The following CHFR variants were observed in gnomAD, a reference collection of about 807,000 sequenced individuals.
CHFR encodes E3 ubiquitin-protein ligase CHFR.
A neutral mutation model predicts 87.6 loss-of-function variants in CHFR; 57 were observed. The ratio of observed to expected loss-of-function variants is 0.65; its 90% CI spans 0.53 to 0.81. The LOEUF (loss-of-function observed/expected upper bound fraction) is 0.81, where lower values mean the gene tolerates loss of function less well. Ranked by LOEUF, CHFR falls within the 30% of genes least tolerant of loss-of-function variation. CHFR has a pLI of 0.00. For missense variants in CHFR, 797 were observed against 865.8 expected (o/e 0.92, Z 1.00); for synonymous variants, 381 against 359.2 (o/e 1.06, Z -0.69).
intron 3 of CHFR, among the ~76,000 whole-genome samples, chr12:132,876,778 T>C (rs911223768): frequency 6.6e-6 from 1 of 152,178 alleles, no homozygotes; most frequent in African/African-American, 2.4e-5. Flanking sequence ...ACTACAGTCA[T>C]GCCCCAGATA....
rs1200768834 is a variant in CHFR at position 132,838,137 on chromosome 12, CCT to C, written c.*3415_*3416del. 6.6e-6 allele frequency: 1 copy of C among 152,486 alleles called. No homozygotes were observed. The highest frequency in any genetic ancestry group is 2.4e-5 in the African/African-American group (1 of 41,472). 9.4% of individuals were successfully genotyped at this position (152,486 alleles called of 1,614,324 possible). On this transcript the variant is annotated 3_prime_UTR_variant, in exon 18 of 18. Transcript: ENST00000450056. ...CGGAAGCCCCTTCCAAACTCAGCTGCCTCTCTGCCTTGGCCACACCCCTGGGG... is the reference window on the plus strand; with the variant it reads ...CGGAAGCCCCTTCCAAACTCAGCTGCCTCTGCCTTGGCCACACCCCTGGGG...
chr12:132,861,306 T>C (rs1003851191), intron 7 of CHFR, among the ~76,000 whole-genome samples, 161 bp downstream of exon 7: 2 of 152,174 alleles, frequency 1.3e-5, no homozygotes, highest in African/African-American at 4.8e-5. Context: ...AGGCCCAGGT[T>C]TTCTGAATGA....
rs1466294557 is a variant in CHFR at position 132,853,584 on chromosome 12, G to A, written c.1230-11C>T. 6.6e-7 allele frequency: 1 copy of A among 1,525,130 alleles called. No individual in the cohort carries two copies. Among genetic ancestry groups the A allele is most frequent in the South Asian group, 1.2e-5 (1 of 82,000 alleles). 94.5% of individuals were successfully genotyped at this position (1,525,130 alleles called of 1,614,324 possible). A position where few individuals can be genotyped will look rare whatever the true frequency, so the allele number is the denominator to read the frequency against. ...ACGACGTATGGCTGGCTGCAAGGAA[G>A]CACAGGGCCGAGCTGTGTGCAGGCC... On this transcript the variant is annotated splice_polypyrimidine_tract_variant and intron_variant, in intron 10 of 17. Coordinates refer to ENST00000450056, the MANE Select transcript of CHFR (RefSeq NM_001161346.2).
chr12:132,880,507 A>C (rs1331152230), intron 2 of CHFR, among the ~76,000 whole-genome samples: 6 of 151,144 alleles, frequency 4.0e-5, no homozygotes, highest in Admixed American at 4.0e-4. Flanking sequence ...AACTACAAAA[A>C]ATTAGCTGGG....
chr12:132,884,808 C>T (rs1451320520), intron 2 of CHFR, among the ~76,000 whole-genome samples: 1 of 152,152 alleles, frequency 6.6e-6, no homozygotes, highest in Non-Finnish European at 1.5e-5. Context: ...AATTTCTGGC[C>T]AGGCACAGTG....
At chr12:132,886,869 G>A (rs1168730528) in intron 2 of CHFR, among the ~76,000 whole-genome samples, 1 of 152,164 alleles carries the variant, frequency 6.6e-6, no homozygotes, top group Non-Finnish European at 1.5e-5. Context: ...ACATATCTGT[G>A]AATTTTCCAC....
chr12:132,858,867 C>G (rs1378734330), intron 8 of CHFR, among the ~76,000 whole-genome samples: 1 of 151,204 alleles, frequency 6.6e-6, no homozygotes, highest in Non-Finnish European at 1.5e-5. Context: ...CCGCTCAATC[C>G]TGGGAGGGAG....
chr12:132,863,112 G>A (rs1951253338), intron 6 of CHFR, among the ~76,000 whole-genome samples: 1 of 148,686 alleles, frequency 6.7e-6, no homozygotes, highest in Non-Finnish European at 1.5e-5. Flanking sequence ...TAGCCAGGAT[G>A]GTCTCGATCT....
intron 4 of CHFR, chr12:132,871,813 C>T (rs1025481949): frequency 6.5e-6 from 1 of 154,356 alleles, no homozygotes; most frequent in Non-Finnish European, 1.4e-5. Flanking sequence ...TCGAAGGACT[C>T]CCATAACTTT....
At chr12:132,847,260 G>A in intron 14 of CHFR, 130 bp from the exon 15 acceptor site, 3 of 1,448,788 alleles carry the variant, frequency 2.1e-6, no homozygotes, top group Non-Finnish European at 2.7e-6. Flanking sequence ...CTTATAAGTG[G>A]CATTTGCAGA....
intron 15 of CHFR, among the ~76,000 whole-genome samples, chr12:132,846,387 C>G (rs996065686): frequency 6.6e-6 from 1 of 151,898 alleles, no homozygotes; most frequent in African/African-American, 2.4e-5. Flanking sequence ...CTCAGCCTCC[C>G]GAGTAGCTGG....
At chr12:132,853,325 A>G in intron 11 of CHFR, 106 bp downstream of exon 11, 2 of 1,210,792 alleles carry the variant, frequency 1.7e-6, no homozygotes, top group Non-Finnish European at 2.2e-6. Context: ...GGGGGCGAGC[A>G]GTGCAGACAG....
In CHFR at chr12:132,841,366, G is replaced by A. The variant is rs1347878070; in HGVS notation, c.*188C>T. The A allele has an allele frequency of 2.4e-5, 14 of 581,920 alleles. No homozygotes were observed. The highest frequency in any genetic ancestry group is 8.6e-5 in the East Asian group (3 of 35,034). 36.0% of individuals were successfully genotyped at this position (581,920 alleles called of 1,614,324 possible). ...ACCAGGAGGGCGGGCTGCGGCCCCC[G>A]GGGCTCTGGGGAGGGTCTCACTCAG... On this transcript the variant is annotated 3_prime_UTR_variant, in exon 18 of 18. Coordinates refer to ENST00000450056, the MANE Select transcript of CHFR (RefSeq NM_001161346.2).
At chr12:132,873,748 C>T (rs1049558693) in intron 3 of CHFR, among the ~76,000 whole-genome samples, 1 of 152,146 alleles carries the variant, frequency 6.6e-6, no homozygotes, top group African/African-American at 2.4e-5. Flanking sequence ...AGAGTGTGCA[C>T]GGACTTGGGT....
chr12:132,868,431 G>A (rs547207924), intron 6 of CHFR, among the ~76,000 whole-genome samples: 5 of 152,094 alleles, frequency 3.3e-5, no homozygotes, highest in Non-Finnish European at 7.4e-5. Flanking sequence ...TGGCGTGGGA[G>A]GCGGAGCTTG....
chr12:132,885,885 G>GA (rs1472772323), intron 2 of CHFR, among the ~76,000 whole-genome samples: 3 of 152,142 alleles, frequency 2.0e-5, no homozygotes, highest in African/African-American at 7.2e-5. Context: ...AAGACAAAGG[G>GA]AAAAATCTTC....
Position 132,847,086 on chromosome 12 carries a change from G to T in CHFR, c.1692C>A (p.Thr564=). 6.2e-7 allele frequency: 1 copy of T among 1,613,662 alleles called. No homozygotes were observed. Among genetic ancestry groups the T allele is most frequent in the South Asian group, 1.1e-5 (1 of 91,058 alleles). ...TRGLTWKNML[T]ESLVALQRGV... ...CCCGCTGGAGAGCCACGAGGCTCTC[G>T]GTCAACATGTTTTTCCATGTCAAAC... is the stretch of plus-strand genomic sequence containing the variant. Residue 564 remains threonine, a synonymous_variant, in exon 15 of 18, where the codon ACC becomes ACA. Transcript: ENST00000450056.
chr12:132,861,365 C>G, intron 7 of CHFR, 102 bp downstream of exon 7: 1 of 1,209,476 alleles, frequency 8.3e-7, no homozygotes, highest in Admixed American at 2.0e-5. Flanking sequence ...GTCCACATGC[C>G]CCTGCAGGAA....
At chr12:132,843,682 G>C (rs895789628) in intron 16 of CHFR, among the ~76,000 whole-genome samples, 1 of 152,060 alleles carries the variant, frequency 6.6e-6, no homozygotes, top group Non-Finnish European at 1.5e-5. Flanking sequence ...AGAAAAGAGT[G>C]CTGGCCGAGC....
Sources: gnomAD v4.1 joint callset for allele counts (sites outside exome capture counted in the v4.1 genomes callset) on GRCh38, gnomAD v4.1.1 for gene constraint, MANE v1.5 for transcripts, NCBI Gene and HGNC (gene_info 2026-07-23, HGNC 2026-07-21) for gene names.